Variants in NKAIN3 observed in about 807,000 individuals in gnomAD.
NKAIN3 encodes the protein sodium/potassium transporting ATPase interacting 3, also known as sodium/potassium-transporting ATPase subunit beta-1-interacting protein 3.
Under a neutral mutation model 30.2 loss-of-function variants are expected in NKAIN3, and 25 were observed. The observed-to-expected ratio is 0.83, with a 90% CI of 0.60 to 1.16. The LOEUF is 1.16. Among genes scored for constraint, NKAIN3 ranks in the 50% most tolerant of loss-of-function variants. The pLI, the probability that NKAIN3 is intolerant of heterozygous loss-of-function variation, is 0.00. For synonymous variants in NKAIN3, 91 were observed against 89.6 expected (o/e 1.02, Z -0.09); for missense variants, 225 against 254.1 (o/e 0.89, Z 0.78).
At chr8:62,330,246 G>C (rs1288125990) in intron 1 of NKAIN3, among the ~76,000 whole-genome samples, 1 of 151,940 alleles carries the variant, frequency 6.6e-6, no homozygotes, top group Admixed American at 6.6e-5. Flanking sequence ...GCTGGGAACA[G>C]ATGAGGAAGA....
At chr8:62,296,349 G>A (rs539800655) in intron 1 of NKAIN3, among the ~76,000 whole-genome samples, 33 of 152,152 alleles carry the variant, frequency 2.2e-4, no homozygotes, top group Non-Finnish European at 2.9e-4. Flanking sequence ...AATTGAATGT[G>A]TTAGTGTAGA....
downstream of NKAIN3, chr8:62,984,935 C>T (rs1824173044): frequency 1.3e-5 from 2 of 152,130 alleles, no homozygotes; most frequent in Non-Finnish European, 2.9e-5. Flanking sequence ...CATTTTCTCA[C>T]TATATTATAT....
chr8:62,601,826 G>T (rs1377149041), intron 3 of NKAIN3, among the ~76,000 whole-genome samples: 1 of 151,986 alleles, frequency 6.6e-6, no homozygotes, highest in Non-Finnish European at 1.5e-5. Context: ...TGTAAATATA[G>T]GTGTGAGTTT....
At chr8:62,516,351 A>T (rs1807980812) in intron 1 of NKAIN3, among the ~76,000 whole-genome samples, 1 of 152,054 alleles carries the variant, frequency 6.6e-6, no homozygotes, top group Non-Finnish European at 1.5e-5. Context: ...ATCATATATT[A>T]AGTTAACCCT....
chr8:62,760,465 T>C (rs902254644), intron 4 of NKAIN3, among the ~76,000 whole-genome samples: 1 of 152,168 alleles, frequency 6.6e-6, no homozygotes, highest in Non-Finnish European at 1.5e-5. Context: ...GATGAATTCA[T>C]GTCCTTTGTA....
intron 1 of NKAIN3, among the ~76,000 whole-genome samples, chr8:62,358,509 AG>A (rs1326799234): frequency 6.6e-6 from 1 of 152,156 alleles, no homozygotes; most frequent in Non-Finnish European, 1.5e-5. Context: ...TTTATGCATT[AG>A]TTCAAAAAAT....
At chr8:62,358,904 G>A (rs182893960) in intron 1 of NKAIN3, among the ~76,000 whole-genome samples, 32 of 152,244 alleles carry the variant, frequency 2.1e-4, no homozygotes, top group Middle Eastern at 3.4e-3. Context: ...TTCTATGGCC[G>A]GGCGCGGTGG....
rs1823885167 is a variant in NKAIN3 at position 62,973,782 on chromosome 8, G to A, written c.*8375G>A. Among the ~76,000 whole-genome samples, 1 of 152,120 alleles carries A rather than the reference G, an allele frequency of 6.6e-6. No individual in the cohort carries two copies. The highest frequency in any genetic ancestry group is 1.5e-5 in the Non-Finnish European group (1 of 68,036). ...GGTATTGCTTAGGTTTTCTTCTAGG[G>A]TTTTAATGGCTTTGGGTTTTACATT... On this transcript the variant is annotated 3_prime_UTR_variant, in exon 7 of 7. Transcript: ENST00000623646.
At chr8:62,507,300 A>G (rs1289189305) in intron 1 of NKAIN3, among the ~76,000 whole-genome samples, 3 of 152,186 alleles carry the variant, frequency 2.0e-5, no homozygotes, top group Admixed American at 6.6e-5. Context: ...TGAGTTATTT[A>G]CTAGGACTTA....
At chr8:62,622,051 C>G (rs1328487940) in intron 3 of NKAIN3, among the ~76,000 whole-genome samples, 1 of 151,978 alleles carries the variant, frequency 6.6e-6, no homozygotes, top group Non-Finnish European at 1.5e-5. Context: ...AATTTTATAG[C>G]ATATAGCCTT....
intron 1 of NKAIN3, chr8:62,344,787 A>T (rs1815875901): frequency 5.1e-6 from 2 of 392,448 alleles, no homozygotes; most frequent in Middle Eastern, 3.6e-4. Flanking sequence ...TAAGAAATTT[A>T]GAGTCTTTTG....
At chr8:62,279,905 G>T (rs967821845) in intron 1 of NKAIN3, among the ~76,000 whole-genome samples, 5 of 152,160 alleles carry the variant, frequency 3.3e-5, no homozygotes, top group Non-Finnish European at 7.4e-5. Flanking sequence ...TTCCAATTTT[G>T]TGAAGAAAGT....
intron 3 of NKAIN3, among the ~76,000 whole-genome samples, chr8:62,729,035 A>AAAAAAAACC (rs1344781585): frequency 9.1e-6 from 1 of 110,226 alleles, no homozygotes; most frequent in African/African-American, 4.2e-5. Context: ...AAAAAAAAAA[A>AAAAAAAACC]AAAACAAAAA....
chr8:62,415,100 TAA>T (rs1804389080), intron 1 of NKAIN3, among the ~76,000 whole-genome samples: 1 of 138,358 alleles, frequency 7.2e-6, no homozygotes, highest in African/African-American at 2.6e-5. Context: ...ATATTACATA[TAA>T]TATATATTAT....
chr8:62,611,618 A>T (rs1293958907), intron 3 of NKAIN3, among the ~76,000 whole-genome samples: 1 of 152,002 alleles, frequency 6.6e-6, no homozygotes, highest in Non-Finnish European at 1.5e-5. Context: ...AAATAACTGG[A>T]TCTCATTCTT....
chr8:62,959,256 T>C (rs1047389160), intron 6 of NKAIN3, among the ~76,000 whole-genome samples: 2 of 152,098 alleles, frequency 1.3e-5, no homozygotes, highest in Admixed American at 1.3e-4. Flanking sequence ...ACAATCCGGG[T>C]ACACAGGAAA....
intron 4 of NKAIN3, among the ~76,000 whole-genome samples, chr8:62,824,910 G>A (rs531162469): frequency 3.3e-5 from 5 of 152,242 alleles, no homozygotes; most frequent in African/African-American, 1.2e-4. Flanking sequence ...AAACCAGCAG[G>A]ACAGGGTCAA....
At chr8:62,950,769 G>A (rs1442244187) in intron 5 of NKAIN3, among the ~76,000 whole-genome samples, 1 of 150,868 alleles carries the variant, frequency 6.6e-6, no homozygotes, top group Non-Finnish European at 1.5e-5. Context: ...GCTTACACAA[G>A]TTGCCCTGGC....
chr8:62,763,940 G>A (rs1427813236), intron 4 of NKAIN3, among the ~76,000 whole-genome samples: 1 of 152,200 alleles, frequency 6.6e-6, no homozygotes, highest in Non-Finnish European at 1.5e-5. Context: ...TTATTGAGGG[G>A]TTGTAATGTC....
Sources: allele counts gnomAD v4.1 joint callset (sites outside exome capture counted in the v4.1 genomes callset), GRCh38; gene constraint gnomAD v4.1.1; transcripts MANE v1.5; gene names NCBI Gene and HGNC (gene_info 2026-07-23, HGNC 2026-07-21).